LGR6: variants seen among roughly 807,000 people sequenced by gnomAD.
LGR6 encodes leucine-rich repeat-containing G protein-coupled receptor 6.
In LGR6, 45 loss-of-function variants were observed where a neutral mutation model predicts 69.4. The observed-to-expected ratio is 0.65, with a 90% CI of 0.51 to 0.83. The LOEUF (loss-of-function observed/expected upper bound fraction) is 0.83, where lower values mean the gene tolerates loss of function less well. Among genes scored for constraint, LGR6 ranks in the 40% least tolerant of loss-of-function variants. The pLI, the probability that LGR6 is intolerant of heterozygous loss-of-function variation, is 0.00. For missense variants in LGR6, 1,108 were observed against 1,246.7 expected (o/e 0.89, Z 1.68); for synonymous variants, 538 against 555.0 (o/e 0.97, Z 0.43).
At chr1:202,295,615 A>G (rs1667097912) in intron 6 of LGR6, among the ~76,000 whole-genome samples, 1 of 152,178 alleles carries the variant, frequency 6.6e-6, no homozygotes, top group African/African-American at 2.4e-5. Flanking sequence ...CACAGTTTGA[A>G]AATTCCTCCC....
intron 4 of LGR6, among the ~76,000 whole-genome samples, chr1:202,269,385 C>T (rs532643803): frequency 2.0e-4 from 31 of 152,134 alleles, no homozygotes; most frequent in Non-Finnish European, 3.7e-4. Context: ...AGAAAGCTGG[C>T]TAGGGGCTCC....
At chr1:202,215,992 G>A (rs183724276) in intron 1 of LGR6, among the ~76,000 whole-genome samples, 1 of 152,336 alleles carries the variant, frequency 6.6e-6, no homozygotes, top group East Asian at 1.9e-4. Context: ...TGTCACTCAG[G>A]CTTGTAATTG....
chr1:202,231,453 A>G (rs1571853116), intron 3 of LGR6, among the ~76,000 whole-genome samples: 1 of 152,214 alleles, frequency 6.6e-6, no homozygotes, highest in South Asian at 2.1e-4. Context: ...CATCCTTTCA[A>G]GTGATGGGAT....
At chr1:202,283,166 C>T (rs1666140688) in intron 6 of LGR6, among the ~76,000 whole-genome samples, 2 of 152,236 alleles carry the variant, frequency 1.3e-5, no homozygotes, top group Non-Finnish European at 2.9e-5. Context: ...GCCCTACACT[C>T]CTTTCTCCTT....
chr1:202,239,344 GGTGTGTGTGTGTGTGT>G (rs36157781), intron 4 of LGR6, among the ~76,000 whole-genome samples: 45 of 144,246 alleles, frequency 3.1e-4, no homozygotes, highest in East Asian at 2.7e-3. Context: ...GTGTGTGTGT[GGTGTGTGTGTGTGTGT>G]GTGTGTGTGT....
intron 3 of LGR6, among the ~76,000 whole-genome samples, chr1:202,229,840 A>G (rs1465978794): frequency 1.3e-5 from 2 of 152,120 alleles, no homozygotes; most frequent in East Asian, 3.9e-4. Flanking sequence ...GAACTTCTCT[A>G]CCTTAGGGAT....
intron 1 of LGR6, among the ~76,000 whole-genome samples, chr1:202,221,829 T>C (rs1397865435): frequency 6.6e-6 from 1 of 152,204 alleles, no homozygotes; most frequent in African/African-American, 2.4e-5. Flanking sequence ...GATCAAGGTG[T>C]CCTCTTATTT....
chr1:202,283,241 G>T (rs1031115849), intron 6 of LGR6, among the ~76,000 whole-genome samples: 1 of 152,182 alleles, frequency 6.6e-6, no homozygotes, highest in Non-Finnish European at 1.5e-5. Context: ...CTTGAGGGGT[G>T]AGTTCTTCTT....
At chr1:202,198,856 G>A (rs1197464300) in intron 1 of LGR6, among the ~76,000 whole-genome samples, 1 of 152,002 alleles carries the variant, frequency 6.6e-6, no homozygotes, top group Non-Finnish European at 1.5e-5. Flanking sequence ...TGGAGAGGAT[G>A]TGTTGTGAGT....
intron 12 of LGR6, 105 bp from the exon 13 acceptor site, chr1:202,306,763 A>C: frequency 9.8e-7 from 1 of 1,020,334 alleles, no homozygotes; most frequent in Non-Finnish European, 1.5e-6. Context: ...TTCCTGTGCC[A>C]GGAGAAGTGG....
intron 4 of LGR6, among the ~76,000 whole-genome samples, chr1:202,236,917 G>A (rs576415363): frequency 7.2e-4 from 109 of 152,116 alleles, no homozygotes; most frequent in Admixed American, 3.1e-3. Context: ...CTTCTCCTTG[G>A]GTGGAAGGAG....
intron 6 of LGR6, among the ~76,000 whole-genome samples, chr1:202,286,103 A>G (rs2148202367): frequency 6.6e-6 from 1 of 152,344 alleles, no homozygotes; most frequent in Non-Finnish European, 1.5e-5. Flanking sequence ...ACCAAGGATG[A>G]TCTCATCTTG....
intron 6 of LGR6, among the ~76,000 whole-genome samples, chr1:202,291,577 A>C (rs1404332929): frequency 6.6e-6 from 1 of 152,216 alleles, no homozygotes; most frequent in Non-Finnish European, 1.5e-5. Flanking sequence ...CCAAAAGTGA[A>C]CCCATATGCT....
intron 6 of LGR6, among the ~76,000 whole-genome samples, chr1:202,287,542 C>T (rs1015018677): frequency 6.6e-6 from 1 of 152,192 alleles, no homozygotes; most frequent in Non-Finnish European, 1.5e-5. Flanking sequence ...ATTCAAAGGC[C>T]TTCTTAACAT....
At chr1:202,313,084 A>G (rs1283533813) in intron 16 of LGR6, among the ~76,000 whole-genome samples, 3 of 152,170 alleles carry the variant, frequency 2.0e-5, no homozygotes, top group East Asian at 3.9e-4. Context: ...AAAATTAGCC[A>G]GGCGTGGTGG....
At chr1:202,317,908 C>T (rs760696296) in intron 17 of LGR6, 44 bp from the exon 18 acceptor site, 2 of 1,534,060 alleles carry the variant, frequency 1.3e-6, no homozygotes, top group Non-Finnish European at 1.8e-6. Context: ...AGACCTGGTC[C>T]CACCATCCTC....
At chr1:202,276,772 A>G (rs376387538) in intron 5 of LGR6, among the ~76,000 whole-genome samples, 2 of 152,238 alleles carry the variant, frequency 1.3e-5, no homozygotes, top group East Asian at 1.9e-4. Context: ...TACTATAATC[A>G]GAAAATAGGA....
chr1:202,218,841 G>A (rs1659956575), intron 1 of LGR6, among the ~76,000 whole-genome samples: 1 of 152,174 alleles, frequency 6.6e-6, no homozygotes, highest in African/African-American at 2.4e-5. Context: ...GGGCTGCAGA[G>A]CAGTTTGTAA....
chr1:202,239,116 G>C (rs1661911618), intron 4 of LGR6, among the ~76,000 whole-genome samples: 1 of 151,936 alleles, frequency 6.6e-6, no homozygotes, highest in African/African-American at 2.4e-5. Context: ...CCATCTTCAG[G>C]GGTAGGTGTC....
Sources: allele counts gnomAD v4.1 joint callset (sites outside exome capture counted in the v4.1 genomes callset), GRCh38; gene constraint gnomAD v4.1.1; transcripts MANE v1.5; gene names NCBI Gene and HGNC (gene_info 2026-07-23, HGNC 2026-07-21).